The following EPHA6 variants were observed in gnomAD, a reference collection of about 807,000 sequenced individuals.
EPHA6 encodes the protein EPH receptor A6.
A neutral mutation model predicts 112.0 loss-of-function variants in EPHA6; 50 were observed. The ratio of observed to expected loss-of-function variants is 0.45; its 90% CI spans 0.36 to 0.56. The LOEUF (loss-of-function observed/expected upper bound fraction) is 0.56. Ranked by LOEUF, EPHA6 falls within the 20% of genes least tolerant of loss-of-function variation. EPHA6 has a pLI of 0.00. For missense variants in EPHA6, 1,280 were observed against 1,417.4 expected (o/e 0.90, Z 1.56); for synonymous variants, 529 against 490.7 (o/e 1.08, Z -1.03).
rs1230057690 is a variant in EPHA6 at position 97,350,501 on chromosome 3, G to T, written c.1607-54649G>T. Among the ~76,000 whole-genome samples, 4 of 152,090 alleles carry T rather than the reference G, an allele frequency of 2.6e-5. No homozygotes were observed. The East Asian group carries it at 7.7e-4, about 29-fold the overall frequency. On this transcript the variant is annotated intron_variant, in intron 5 of 17. Coordinates refer to ENST00000389672, the MANE Select transcript of EPHA6 (RefSeq NM_001080448.3). ...TATTGTGGGAAGTCCACAATAAAAA[G>T]AAAGTAAATTAAAACTATTTATTTT...
At chr3:97,578,905 AC>A (rs1257640360) in intron 11 of EPHA6, among the ~76,000 whole-genome samples, 4 of 152,206 alleles carry the variant, frequency 2.6e-5, no homozygotes, top group African/African-American at 9.7e-5. Flanking sequence ...ATACAATCAC[AC>A]ATACACACAT....
At chr3:96,983,683 G>T (rs1054868544) in intron 2 of EPHA6, among the ~76,000 whole-genome samples, 7 of 152,142 alleles carry the variant, frequency 4.6e-5, no homozygotes, top group Admixed American at 2.6e-4. Flanking sequence ...ATCACTTTCA[G>T]GTACACCAAT....
At chr3:97,646,189 A>G (rs751638948) in intron 14 of EPHA6, 4 of 1,535,638 alleles carry the variant, frequency 2.6e-6, no homozygotes, top group Admixed American at 3.9e-5. Context: ...TTGTGTGAGC[A>G]GTGCGAGTCC....
At chr3:97,169,473 A>T (rs574745402) in intron 3 of EPHA6, among the ~76,000 whole-genome samples, 33 of 152,002 alleles carry the variant, frequency 2.2e-4, no homozygotes, top group African/African-American at 7.0e-4. Flanking sequence ...CTTCCTGATA[A>T]TCTTCCTCTC....
intron 3 of EPHA6, among the ~76,000 whole-genome samples, chr3:97,052,389 G>A (rs2001024): frequency 0.31 from 46,906 of 151,966 alleles, 7,779 homozygotes; most frequent in African/African-American, 0.42. Context: ...TGATGCTTCT[G>A]TTGCAGTTAG....
intron 3 of EPHA6, among the ~76,000 whole-genome samples, chr3:97,031,491 C>T (rs1204503227): frequency 6.6e-6 from 1 of 152,050 alleles, no homozygotes; most frequent in Non-Finnish European, 1.5e-5. Flanking sequence ...AAAGAAACCA[C>T]CATCAGAGTG....
chr3:97,649,712 A>T (rs570509873), intron 14 of EPHA6, among the ~76,000 whole-genome samples: 1 of 152,028 alleles, frequency 6.6e-6, no homozygotes, highest in Non-Finnish European at 1.5e-5. Context: ...AACCAAATTC[A>T]TCTATTAAGA....
intron 10 of EPHA6, among the ~76,000 whole-genome samples, chr3:97,500,781 C>T (rs925507024): frequency 2.6e-5 from 4 of 152,058 alleles, no homozygotes; most frequent in African/African-American, 9.7e-5. Context: ...AAGCTTGAAA[C>T]CCCTAGTATC....
At chr3:97,539,126 TTTTC>T (rs566999746) in intron 11 of EPHA6, among the ~76,000 whole-genome samples, 196 of 145,416 alleles carry the variant, frequency 1.3e-3, no homozygotes, top group Middle Eastern at 7.0e-3. Flanking sequence ...CTTTCTTTCT[TTTTC>T]TTTCTTTCTT....
At chr3:96,937,883 A>C (rs185127539) in intron 2 of EPHA6, among the ~76,000 whole-genome samples, 5 of 151,856 alleles carry the variant, frequency 3.3e-5, no homozygotes, top group African/African-American at 1.2e-4. Flanking sequence ...CCCATTGCTT[A>C]TTTTTGTCAG....
At chr3:97,520,521 T>C (rs1320266799) in intron 10 of EPHA6, among the ~76,000 whole-genome samples, 1 of 152,226 alleles carries the variant, frequency 6.6e-6, no homozygotes, top group East Asian at 1.9e-4. Context: ...TTCAGAACTT[T>C]GAATATATCA....
At chr3:96,918,847 T>A (rs896813172) in intron 2 of EPHA6, among the ~76,000 whole-genome samples, 1 of 151,950 alleles carries the variant, frequency 6.6e-6, no homozygotes, top group African/African-American at 2.4e-5. Context: ...AAATAAGTGA[T>A]CAGAAAAACA....
chr3:97,378,278 G>A (rs1458712122), intron 5 of EPHA6, among the ~76,000 whole-genome samples: 1 of 152,200 alleles, frequency 6.6e-6, no homozygotes, highest in African/African-American at 2.4e-5. Context: ...GGCTGTAGGT[G>A]CACAGAGTCA....
At chr3:97,656,577 AC>A (rs1279460760) in intron 14 of EPHA6, among the ~76,000 whole-genome samples, 1 of 151,904 alleles carries the variant, frequency 6.6e-6, no homozygotes, top group East Asian at 1.9e-4. Context: ...AGAAATAAAT[AC>A]CTTTTTTTCT....
At chr3:97,619,396 A>G (rs1224483369) in intron 13 of EPHA6, among the ~76,000 whole-genome samples, 1 of 136,832 alleles carries the variant, frequency 7.3e-6, no homozygotes, top group African/African-American at 2.6e-5. Context: ...TCAACATAGT[A>G]TGGAAATTCT....
At chr3:97,349,580 AAAAG>A (rs770589205) in intron 5 of EPHA6, among the ~76,000 whole-genome samples, 76 of 152,284 alleles carry the variant, frequency 5.0e-4, no homozygotes, top group Non-Finnish European at 8.4e-4. Flanking sequence ...GTACAAAAAT[AAAAG>A]AAAGAGTCAT....
intron 5 of EPHA6, among the ~76,000 whole-genome samples, chr3:97,324,531 T>TTCTC (rs749355340): frequency 6.7e-6 from 1 of 149,162 alleles, no homozygotes; most frequent in Non-Finnish European, 1.5e-5. Flanking sequence ...CTTTCTTTCT[T>TTCTC]TCTCTCTTTC....
At chr3:97,648,720 GA>G (rs2094085982) in intron 14 of EPHA6, 1 of 808,980 alleles carries the variant, frequency 1.2e-6, no homozygotes, top group African/African-American at 1.8e-5. Context: ...TTTGCAGCGA[GA>G]AAAAAGATTA....
intron 7 of EPHA6, among the ~76,000 whole-genome samples, chr3:97,457,576 AAG>A (rs770862815): frequency 7.9e-5 from 12 of 152,302 alleles, no homozygotes; most frequent in Non-Finnish European, 1.5e-4. Context: ...CATCGTTTGA[AAG>A]AATTTAATTT....
Sources: gnomAD v4.1 joint callset for allele counts (sites outside exome capture counted in the v4.1 genomes callset) on GRCh38, gnomAD v4.1.1 for gene constraint, MANE v1.5 for transcripts, NCBI Gene and HGNC (gene_info 2026-07-23, HGNC 2026-07-21) for gene names.